Variants in MAP3K1 observed in about 807,000 individuals in gnomAD.
MAP3K1 encodes the protein MAP/ERK kinase kinase 1.
A neutral mutation model predicts 144.2 loss-of-function variants in MAP3K1; 36 were observed. The ratio of observed to expected loss-of-function variants is 0.25; its 90% CI spans 0.19 to 0.33. The LOEUF (loss-of-function observed/expected upper bound fraction) is 0.33. MAP3K1 is among the 10% of genes least tolerant of loss of function. The pLI, the probability that MAP3K1 is intolerant of heterozygous loss-of-function variation, is 1.00. For missense variants in MAP3K1, 1,650 were observed against 1,881.9 expected (o/e 0.88, Z 2.28); for synonymous variants, 718 against 688.7 (o/e 1.04, Z -0.67).
At chr5:56,822,316 C>T (rs1042307131) in intron 1 of MAP3K1, among the ~76,000 whole-genome samples, 1 of 152,164 alleles carries the variant, frequency 6.6e-6, no homozygotes, top group African/African-American at 2.4e-5. Context: ...TGAGCCACTG[C>T]GGCCAGACCA....
chr5:56,872,782 G>T (rs373116554), intron 8 of MAP3K1, 43 bp from the exon 9 acceptor site: 24 of 1,610,194 alleles, frequency 1.5e-5, no homozygotes, highest in Non-Finnish European at 1.9e-5. Context: ...AGTGTGGTTT[G>T]TCTTAATTTT....
intron 3 of MAP3K1, among the ~76,000 whole-genome samples, chr5:56,860,931 T>C (rs1464086682): frequency 6.6e-6 from 1 of 152,104 alleles, no homozygotes; most frequent in Non-Finnish European, 1.5e-5. Context: ...AAACAAAAAT[T>C]AGAATTTTAG....
Position 56,875,014 on chromosome 5 carries a change from C to T in MAP3K1, c.1687-18C>T, listed in dbSNP as rs977782983. 21 of 1,613,436 alleles carry T rather than the reference C, an allele frequency of 1.3e-5. No individual in the cohort carries two copies. Among genetic ancestry groups the T allele is most frequent in the South Asian group, 3.3e-5 (3 of 91,074 alleles). On this transcript the variant is annotated intron_variant, in intron 9 of 19. Coordinates refer to ENST00000399503, the MANE Select transcript of MAP3K1 (RefSeq NM_005921.2). The stretch of plus-strand genomic sequence containing the variant: ...AAGCTTTTCTTTACATTGAATTCAT[C>T]GTGTGTGTTTGATACAGGTGTTTGG...
intron 1 of MAP3K1, among the ~76,000 whole-genome samples, chr5:56,833,489 C>T (rs1169350743): frequency 6.6e-6 from 1 of 152,138 alleles, no homozygotes; most frequent in African/African-American, 2.4e-5. Flanking sequence ...CTCATGACCT[C>T]CTGCTGTCTA....
At position 56,895,014 on chromosome 5, in the gene MAP3K1, GATTAACT is replaced by G. The variant is rs1446356709; in HGVS notation, c.*1340_*1346del. The G allele has an allele frequency of 1.3e-5, 3 of 231,734 alleles. No homozygotes were observed. Among genetic ancestry groups the G allele is most frequent in the Non-Finnish European group, 1.7e-5 (2 of 117,172 alleles). The allele number at this position is 231,734 out of a possible 1,614,324, so 14.4% of individuals were successfully genotyped here. On this transcript the variant is annotated 3_prime_UTR_variant, in exon 20 of 20. Coordinates refer to ENST00000399503, the MANE Select transcript of MAP3K1 (RefSeq NM_005921.2). Reference sequence around the variant, plus strand: ...GTGTGAGTCTTTTAAATCAAGTACTGATTAACTATTAAGTACAACTTTGAGATTTTAG... The same window carrying G: ...GTGTGAGTCTTTTAAATCAAGTACTGATTAAGTACAACTTTGAGATTTTAG...
At chr5:56,822,467 G>C (rs1746182416) in intron 1 of MAP3K1, among the ~76,000 whole-genome samples, 1 of 152,176 alleles carries the variant, frequency 6.6e-6, no homozygotes, top group South Asian at 2.1e-4. Context: ...CAAATATTGA[G>C]AAAACTGAAT....
intron 1 of MAP3K1, among the ~76,000 whole-genome samples, chr5:56,818,091 T>C (rs1183359536): frequency 6.6e-6 from 1 of 152,238 alleles, no homozygotes; most frequent in Non-Finnish European, 1.5e-5. Context: ...TTATCCCAAA[T>C]GTCATACGTA....
chr5:56,845,727 C>T (rs1330589064), intron 1 of MAP3K1, among the ~76,000 whole-genome samples: 1 of 152,130 alleles, frequency 6.6e-6, no homozygotes, highest in Non-Finnish European at 1.5e-5. Flanking sequence ...TCATTTTTCC[C>T]CAAAGGTTTC....
intron 1 of MAP3K1, among the ~76,000 whole-genome samples, chr5:56,841,529 T>A (rs575669137): frequency 1.3e-5 from 2 of 152,254 alleles, no homozygotes; most frequent in East Asian, 3.9e-4. Flanking sequence ...TTCAAAAACA[T>A]GGAGAGCCAC....
At chr5:56,851,127 G>C (rs1356720891) in intron 1 of MAP3K1, among the ~76,000 whole-genome samples, 1 of 152,012 alleles carries the variant, frequency 6.6e-6, no homozygotes, top group African/African-American at 2.4e-5. Context: ...TGTATTTTTA[G>C]TAGAGATGGG....
Position 56,884,651 on chromosome 5 carries a change from T to G in MAP3K1, c.3820-13T>G, listed in dbSNP as rs1393601090. On this transcript the variant is annotated splice_polypyrimidine_tract_variant and intron_variant, in intron 15 of 19. Transcript: ENST00000399503. ...AATATGCAAAACTTTGTGAACGTGT[T>G]TATTTGAAACAGGTGACTTATGTCA... The G allele has an allele frequency of 6.2e-7, 1 of 1,613,314 alleles. No homozygotes were observed. The highest frequency in any genetic ancestry group is 8.5e-7 in the Non-Finnish European group (1 of 1,179,628).
rs774634518 is a variant in MAP3K1, at chr5:56,875,911, T to C, written c.1965+601T>C. On this transcript the variant is annotated intron_variant, in intron 10 of 19. Transcript: ENST00000399503. ...AATTTATCAGATATTAAGGAAGATA[T>C]GTTTTTAATAAACATTTTGATTGAT... Among the ~76,000 whole-genome samples, 7 of 152,334 alleles carry C rather than the reference T, an allele frequency of 4.6e-5. No homozygotes were observed. In the East Asian group the frequency reaches 9.6e-4, roughly 21 times the overall value.
chr5:56,851,459 T>C (rs1457327526), intron 1 of MAP3K1, among the ~76,000 whole-genome samples: 1 of 152,178 alleles, frequency 6.6e-6, no homozygotes, highest in Admixed American at 6.5e-5. Flanking sequence ...AGGGGTGGTA[T>C]AAAAGTGGCT....
intron 4 of MAP3K1, 76 bp downstream of exon 4, chr5:56,865,010 C>T: frequency 1.5e-6 from 2 of 1,318,266 alleles, no homozygotes; most frequent in Non-Finnish European, 2.2e-6. Flanking sequence ...CTATAATGTT[C>T]TTAAATTTAG....
intron 6 of MAP3K1, among the ~76,000 whole-genome samples, chr5:56,869,463 T>C (rs896170501): frequency 7.0e-6 from 1 of 142,626 alleles, no homozygotes; most frequent in African/African-American, 2.6e-5. Flanking sequence ...TGGTAAATTT[T>C]ATGTTTTGCA....
At chr5:56,816,509 G>C (rs981925590) in intron 1 of MAP3K1, among the ~76,000 whole-genome samples, 1 of 152,050 alleles carries the variant, frequency 6.6e-6, no homozygotes, top group Non-Finnish European at 1.5e-5. Context: ...GGGGCGGGGT[G>C]GGTGAGAAGC....
At chr5:56,887,950 T>C in intron 18 of MAP3K1, 3 of 503,600 alleles carry the variant, frequency 6.0e-6, no homozygotes, top group Non-Finnish European at 1.1e-5. Context: ...CATGTTCATA[T>C]GTAGTAATGA....
intron 7 of MAP3K1, 40 bp from the exon 8 acceptor site, chr5:56,872,601 A>G (rs1747888505): frequency 8.8e-7 from 1 of 1,139,862 alleles, no homozygotes; most frequent in Non-Finnish European, 1.3e-6. Flanking sequence ...AATGTTAAAC[A>G]TTTACATTTT....
chr5:56,819,492 ACAC>A (rs1476761083), intron 1 of MAP3K1, among the ~76,000 whole-genome samples: 3 of 152,136 alleles, frequency 2.0e-5, no homozygotes, highest in African/African-American at 7.2e-5. Flanking sequence ...TCAGTCCTTG[ACAC>A]TGGCTGTGTG....
Sources: gnomAD v4.1 joint callset for allele counts (sites outside exome capture counted in the v4.1 genomes callset) on GRCh38, gnomAD v4.1.1 for gene constraint, MANE v1.5 for transcripts, NCBI Gene and HGNC (gene_info 2026-07-23, HGNC 2026-07-21) for gene names.